The following SLC10A7 variants were observed in gnomAD, a reference collection of about 807,000 sequenced individuals.
The protein encoded by SLC10A7 is sodium/bile acid cotransporter 7.
SLC10A7 carries 29 observed loss-of-function variants against 43.2 expected under a neutral mutation model. The ratio of observed to expected loss-of-function variants is 0.67; its 90% confidence interval spans 0.50 to 0.92. The LOEUF is 0.92. Among genes scored for constraint, SLC10A7 ranks in the 40% least tolerant of loss-of-function variants. The pLI is 0.00. For missense variants in SLC10A7, 295 were observed against 403.2 expected, an observed-to-expected ratio of 0.73 and a Z score of 2.30; for synonymous variants, 152 against 144.8, an observed-to-expected ratio of 1.05 and a Z score of -0.35.
At chr4:146,380,166 G>C (rs758197590) in intron 5 of SLC10A7, among the ~76,000 whole-genome samples, 2 of 152,066 alleles carry the variant, frequency 1.3e-5, no homozygotes, top group African/African-American at 2.4e-5. Flanking sequence ...CCAGGTATAT[G>C]TTAGTTTTAA....
intron 10 of SLC10A7, among the ~76,000 whole-genome samples, chr4:146,260,988 G>T (rs768464717): frequency 6.6e-5 from 10 of 152,228 alleles, no homozygotes; most frequent in Admixed American, 2.6e-4. Context: ...CAAAGACATA[G>T]CTTTGATCCT....
Position 146,521,721 on chromosome 4 carries a change from T to A in SLC10A7, c.-4A>T. ...TCATTCTCTCCAGCAGCCTCATATT[T>A]GTTAGGGTGGGTGGGTTTTGTTTAT... On this transcript the variant is annotated 5_prime_UTR_variant, in exon 1 of 12. Coordinates refer to ENST00000335472, the MANE Select transcript of SLC10A7 (RefSeq NM_001029998.6). 1 of 1,612,908 alleles carries A rather than the reference T, an allele frequency of 6.2e-7. No individual in the cohort carries two copies.
In SLC10A7 at chr4:146,442,237, T is replaced by TTATATA. The variant is rs57108158; in HGVS notation, c.435+540_435+545dup. 6.8e-4 allele frequency: 553 copies of TTATATA among 819,252 alleles called. 3 individuals are homozygous for TTATATA. The African/African-American group carries it at 7.9e-3, about 12-fold the overall frequency. The allele number at this position is 819,252 out of a possible 1,614,324, so 50.7% of individuals were successfully genotyped here. A position where few individuals can be genotyped will look rare whatever the true frequency, so the allele number is the denominator to read the frequency against. On this transcript the variant is annotated intron_variant, in intron 5 of 11. Transcript: ENST00000335472. The stretch of plus-strand genomic sequence containing the variant: ...TGAAAGCTGAACTACTTTTGAATCT[T>TTATATA]TATATATATATATATATAGATACAA...
At chr4:146,466,930 G>A (rs1733084738) in intron 4 of SLC10A7, among the ~76,000 whole-genome samples, 2 of 152,132 alleles carry the variant, frequency 1.3e-5, no homozygotes, top group Non-Finnish European at 2.9e-5. Context: ...TCAATGTTAA[G>A]ATTAACTATA....
intron 1 of SLC10A7, among the ~76,000 whole-genome samples, chr4:146,520,097 T>C (rs2150066615): frequency 6.6e-6 from 1 of 152,312 alleles, no homozygotes; most frequent in East Asian, 1.9e-4. Context: ...GTAAAAGATA[T>C]TTTGCCAAAC....
intron 5 of SLC10A7, among the ~76,000 whole-genome samples, chr4:146,419,642 C>T (rs1454378791): frequency 6.6e-6 from 1 of 152,002 alleles, no homozygotes; most frequent in Non-Finnish European, 1.5e-5. Flanking sequence ...TCAAGACCAG[C>T]CTGGACAACA....
At chr4:146,387,413 G>C (rs567687007) in intron 5 of SLC10A7, among the ~76,000 whole-genome samples, 64 of 152,144 alleles carry the variant, frequency 4.2e-4, no homozygotes, top group African/African-American at 1.5e-3. Flanking sequence ...TGATAAATTT[G>C]GCATCCCTTC....
chr4:146,392,200 A>C (rs1470062714), intron 5 of SLC10A7, among the ~76,000 whole-genome samples: 1 of 152,210 alleles, frequency 6.6e-6, no homozygotes, highest in African/African-American at 2.4e-5. Flanking sequence ...GAAATTCGTG[A>C]ATCTATATTA....
At position 146,255,948 on chromosome 4, in the gene SLC10A7, T is replaced by A. The variant is rs1411156082; in HGVS notation, c.*543A>T. On this transcript the variant is annotated 3_prime_UTR_variant, in exon 12 of 12. Coordinates refer to ENST00000335472, the MANE Select transcript of SLC10A7 (RefSeq NM_001029998.6). ...TCTGTGTGGAAACTATTTGAAGGAA[T>A]GTCTTTAAAAATGATGTCAAGGAAT... 1.3e-5 allele frequency: 2 copies of A among 152,388 alleles called. No homozygotes were observed. The highest frequency in any genetic ancestry group is 2.4e-5 in the African/African-American group (1 of 41,452). The allele number at this position is 152,388 out of a possible 1,614,324, so 9.4% of individuals were successfully genotyped here.
At chr4:146,312,283 T>G (rs1241190544) in intron 6 of SLC10A7, among the ~76,000 whole-genome samples, 1 of 152,142 alleles carries the variant, frequency 6.6e-6, no homozygotes, top group Admixed American at 6.5e-5. Context: ...ACTGTTCTTT[T>G]CTTAGTTTTA....
intron 4 of SLC10A7, among the ~76,000 whole-genome samples, chr4:146,455,525 T>C (rs1376168949): frequency 6.6e-6 from 1 of 151,906 alleles, no homozygotes; most frequent in Non-Finnish European, 1.5e-5. Flanking sequence ...TTCCATCCAT[T>C]AGGTCTGGGA....
At chr4:146,353,976 A>C (rs1162405480) in intron 5 of SLC10A7, among the ~76,000 whole-genome samples, 8 of 146,910 alleles carry the variant, frequency 5.4e-5, no homozygotes, top group Non-Finnish European at 1.2e-4. Flanking sequence ...GAAAACTGGC[A>C]CAAGACAGGG....
intron 5 of SLC10A7, among the ~76,000 whole-genome samples, chr4:146,362,318 G>C (rs1031877975): frequency 2.6e-5 from 4 of 151,946 alleles, no homozygotes; most frequent in African/African-American, 9.7e-5. Flanking sequence ...ACTCTCAAAG[G>C]TCAAGGAAAA....
intron 10 of SLC10A7, among the ~76,000 whole-genome samples, chr4:146,260,174 C>T (rs1447883132): frequency 6.8e-6 from 1 of 146,012 alleles, no homozygotes; most frequent in Non-Finnish European, 1.5e-5. Context: ...TGTCTTTATA[C>T]TAACATAAAA....
At chr4:146,464,179 T>C (rs1732802072) in intron 4 of SLC10A7, among the ~76,000 whole-genome samples, 1 of 151,968 alleles carries the variant, frequency 6.6e-6, no homozygotes, top group South Asian at 2.1e-4. Flanking sequence ...CTGATATTAA[T>C]AATTACACAT....
At chr4:146,436,988 C>CTG (rs973364611) in intron 5 of SLC10A7, among the ~76,000 whole-genome samples, 11 of 152,210 alleles carry the variant, frequency 7.2e-5, no homozygotes, top group African/African-American at 2.6e-4. Context: ...ATAATGATGT[C>CTG]TGAATGCTGG....
chr4:146,277,606 C>T (rs1349744836), intron 10 of SLC10A7, among the ~76,000 whole-genome samples: 3 of 152,134 alleles, frequency 2.0e-5, no homozygotes, highest in South Asian at 2.1e-4. Context: ...TCCCAAACTG[C>T]CTTTCCTCAC....
chr4:146,506,397 G>A (rs1736900483), intron 3 of SLC10A7, among the ~76,000 whole-genome samples: 1 of 152,168 alleles, frequency 6.6e-6, no homozygotes, highest in African/African-American at 2.4e-5. Flanking sequence ...CAGAAATATA[G>A]ATAACTAACA....
At chr4:146,271,887 C>T (rs1728920849) in intron 10 of SLC10A7, among the ~76,000 whole-genome samples, 1 of 152,124 alleles carries the variant, frequency 6.6e-6, no homozygotes, top group Admixed American at 6.5e-5. Flanking sequence ...TCCCTATTTC[C>T]TTCAGGTATT....
Sources: gnomAD v4.1 joint callset for allele counts (sites outside exome capture counted in the v4.1 genomes callset) on GRCh38, gnomAD v4.1.1 for gene constraint, MANE v1.5 for transcripts, NCBI Gene and HGNC (gene_info 2026-07-23, HGNC 2026-07-21) for gene names.